Variants in GALNT9 observed in about 807,000 individuals in gnomAD.
The protein encoded by GALNT9 is GalNAc transferase 9.
GALNT9 carries 47 observed loss-of-function variants against 63.1 expected under a neutral mutation model. The observed-to-expected ratio is 0.75, with a 90% CI of 0.59 to 0.95. The LOEUF is 0.95. Ranked by LOEUF, GALNT9 falls within the 40% of genes least tolerant of loss-of-function variation. The probability of loss-of-function intolerance (pLI) is 0.00; values close to 1 mark genes in which losing one functional copy is unlikely to be tolerated. For synonymous variants in GALNT9, 396 were observed against 365.7 expected (o/e 1.08, Z -0.94); for missense variants, 829 against 874.8 (o/e 0.95, Z 0.66).
At position 132,296,272 on chromosome 12, in the gene GALNT9, G is replaced by A. The variant is rs188482959; in HGVS notation, c.239-9842C>T. ...GTCACGGCAGCCCCAAGAGATGACC[G>A]CACAGCCTCATGCTCACGCCAGCCG... On this transcript the variant is annotated intron_variant, in intron 1 of 10. Transcript: ENST00000328957. This position sits in a 1 kb window ranked among gnomAD's most constrained non-coding sequence, Gnocchi z 4.2. 3.2e-3 allele frequency among the ~76,000 whole-genome samples: 486 copies of A among 152,362 alleles called. 2 individuals are homozygous for A. The highest frequency in any genetic ancestry group is 0.011 in the African/African-American group (464 of 41,590).
At chr12:132,230,461 G>A (rs999140239) in intron 6 of GALNT9, among the ~76,000 whole-genome samples, 1 of 152,226 alleles carries the variant, frequency 6.6e-6, no homozygotes, top group East Asian at 1.9e-4. Context: ...CCAGATCGAC[G>A]GGCATAGAAA....
At chr12:132,306,989 G>T (rs965728801) in intron 1 of GALNT9, among the ~76,000 whole-genome samples, 4 of 152,132 alleles carry the variant, frequency 2.6e-5, no homozygotes, top group Admixed American at 1.3e-4. Context: ...TTTCCATGGG[G>T]GCTGACTCTG....
At chr12:132,275,097 C>T (rs534283073) in intron 2 of GALNT9, 1 of 152,584 alleles carries the variant, frequency 6.6e-6, no homozygotes, top group East Asian at 1.9e-4. Flanking sequence ...GCATGCAGGG[C>T]ATGACGTGTG....
At chr12:132,294,478 C>G (rs2135569216) in intron 1 of GALNT9, among the ~76,000 whole-genome samples, 1 of 152,358 alleles carries the variant, frequency 6.6e-6, no homozygotes, top group South Asian at 2.1e-4. Flanking sequence ...CTCAGGAGCT[C>G]TGGTGACCTC....
At chr12:132,208,609 C>T (rs950366224) in intron 6 of GALNT9, among the ~76,000 whole-genome samples, 8 of 152,284 alleles carry the variant, frequency 5.3e-5, no homozygotes, top group East Asian at 3.9e-4. Context: ...AGAGAGAAGC[C>T]GCCCAGCTGA....
intron 1 of GALNT9, among the ~76,000 whole-genome samples, chr12:132,312,626 C>T (rs537913676): frequency 5.3e-5 from 8 of 152,322 alleles, no homozygotes; most frequent in Non-Finnish European, 1.0e-4. Context: ...GTCCTTTGGA[C>T]GCAGCCCAGC....
In GALNT9 at chr12:132,296,806, T is replaced by C. The variant is rs1881091259; in HGVS notation, c.239-10376A>G. ...TCGGCCTCTGTGCTGTGTCATCCCA[T>C]GTGGACGGCGAGAGCACACACGCAT... On this transcript the variant is annotated intron_variant, in intron 1 of 10. Coordinates refer to ENST00000328957, the MANE Select transcript of GALNT9 (RefSeq NM_001122636.2). The surrounding 1 kb of genome is among the most constrained non-coding windows in gnomAD (Gnocchi z 4.2). Among the ~76,000 whole-genome samples, 1 of 140,638 alleles carries C rather than the reference T, an allele frequency of 7.1e-6. No individual in the cohort carries two copies. The highest frequency in any genetic ancestry group is 7.4e-5 in the Admixed American group (1 of 13,436). The allele number at this position is 140,638 out of a possible 152,430, so 92.3% of individuals were successfully genotyped here. A position where few individuals can be genotyped will look rare whatever the true frequency, so the allele number is the denominator to read the frequency against.
chr12:132,203,488 G>GCCTGTGGGGGACTCACCGA lies in GALNT9; in HGVS notation c.1261_1263+16dup, dbSNP rs1381610449. On this transcript the variant is annotated intron_variant, in intron 7 of 10. Coordinates refer to ENST00000328957, the MANE Select transcript of GALNT9 (RefSeq NM_001122636.2). ...CCCTGGGGCATGGCCCCGGCTCCCG[G>GCCTGTGGGGGACTCACCGA]CCTGTGGGGGACTCACCGACATGGG... 1 of 1,612,628 alleles carries GCCTGTGGGGGACTCACCGA rather than the reference G, an allele frequency of 6.2e-7. No homozygotes were observed. The highest frequency in any genetic ancestry group is 8.5e-7 in the Non-Finnish European group (1 of 1,179,136).
chr12:132,252,870 C>T lies in GALNT9; in HGVS notation c.959+4819G>A, dbSNP rs1393938068. ...TGCACTCCAGCCTGGGCAACAACAG[C>T]GAAACTGCCTCAAAAAAAAAAAAAG... On this transcript the variant is annotated intron_variant, in intron 5 of 10. Coordinates refer to ENST00000328957, the MANE Select transcript of GALNT9 (RefSeq NM_001122636.2). This position sits in a 1 kb window ranked among gnomAD's most constrained non-coding sequence, Gnocchi z 5.2. Among the ~76,000 whole-genome samples the T allele has an allele frequency of 3.3e-5, 5 of 149,896 alleles. No individual in the cohort carries two copies. Among genetic ancestry groups the T allele is most frequent in the Non-Finnish European group, 7.4e-5 (5 of 67,648 alleles).
chr12:132,201,216 G>T lies in GALNT9; in HGVS notation c.1309C>A (p.Arg437Ser), dbSNP rs750512479. The change falls in exon 8 of 11, where the codon CGT (arginine) becomes AGT (serine). Residue 437 changes from arginine (R) to serine (S), a missense_variant. Arg to Ser is a moderately radical substitution (Grantham distance 110). Coordinates refer to ENST00000328957, the MANE Select transcript of GALNT9 (RefSeq NM_001122636.2). ...AAGCTGCGACACTTCAGCCTCTGAC[G>T]CAGGGCCAGCCTCTCAGACACGTCC... The part of the protein sequence containing the change: ...FGDVSERLAL[R>S]QRLKCRSFKW... 11 of 1,612,900 alleles carry T rather than the reference G, an allele frequency of 6.8e-6. No homozygotes were observed. Among genetic ancestry groups the T allele is most frequent in the Non-Finnish European group, 8.5e-6 (10 of 1,179,080 alleles).
chr12:132,264,542 C>G (rs1555240026), intron 2 of GALNT9, among the ~76,000 whole-genome samples: 1 of 152,242 alleles, frequency 6.6e-6, no homozygotes, highest in Non-Finnish European at 1.5e-5. Context: ...TCAGGAAGGC[C>G]TGTCCGCATG....
At chr12:132,304,351 C>T (rs555791780) in intron 1 of GALNT9, among the ~76,000 whole-genome samples, 2 of 120,306 alleles carry the variant, frequency 1.7e-5, no homozygotes, top group African/African-American at 6.9e-5. Context: ...CTGGGCACAC[C>T]CTCACCCGGG....
At chr12:132,290,971 G>C (rs1208870647) in intron 1 of GALNT9, among the ~76,000 whole-genome samples, 1 of 54,514 alleles carries the variant, frequency 1.8e-5, no homozygotes. Context: ...CACATCCACA[G>C]CACCCACAAC....
intron 1 of GALNT9, among the ~76,000 whole-genome samples, chr12:132,317,815 G>A (rs558602301): frequency 6.6e-6 from 1 of 152,322 alleles, no homozygotes; most frequent in East Asian, 1.9e-4. Context: ...CGGTGGGGCT[G>A]CACAGGGGCT....
rs1337335741 is a variant in GALNT9, at chr12:132,319,795, C to T, written c.238+9171G>A. ...CCCCACGTAGACAGAAGACATTCCT[C>T]GGGCCTGGGTGCCCAGCCTCCCGCG... On this transcript the variant is annotated intron_variant, in intron 1 of 10. Coordinates refer to ENST00000328957, the MANE Select transcript of GALNT9 (RefSeq NM_001122636.2). This position sits in a 1 kb window ranked among gnomAD's most constrained non-coding sequence, Gnocchi z 5.2. 2.6e-5 allele frequency among the ~76,000 whole-genome samples: 4 copies of T among 152,218 alleles called. No homozygotes were observed. The highest frequency in any genetic ancestry group is 5.9e-5 in the Non-Finnish European group (4 of 68,030).
At chr12:132,203,324 C>T (rs1489356328) in intron 7 of GALNT9, among the ~76,000 whole-genome samples, 181 bp downstream of exon 7, 2 of 152,282 alleles carry the variant, frequency 1.3e-5, no homozygotes, top group East Asian at 3.9e-4. Flanking sequence ...GGCTCCTTCC[C>T]AGGCAGACAG....
At position 132,286,156 on chromosome 12, in the gene GALNT9, G is replaced by A. The variant is rs1402651744; in HGVS notation, c.419+94C>T. The A allele has an allele frequency of 5.5e-5, 76 of 1,384,140 alleles. No individual in the cohort carries two copies. Among genetic ancestry groups the A allele is most frequent in the Non-Finnish European group, 6.7e-5 (70 of 1,049,706 alleles). 85.7% of individuals were successfully genotyped at this position (1,384,140 alleles called of 1,614,324 possible). ...GGGCGTGGGGGCCGCTCACTTCCCC[G>A]GCCGGCGTGGGGGGCAGTCACTTCC... On this transcript the variant is annotated intron_variant, in intron 2 of 10. Transcript: ENST00000328957. The surrounding 1 kb of genome is among the most constrained non-coding windows in gnomAD (Gnocchi z 7.4).
At chr12:132,227,772 G>A (rs1304463385) in intron 6 of GALNT9, among the ~76,000 whole-genome samples, 2 of 152,118 alleles carry the variant, frequency 1.3e-5, no homozygotes, top group African/African-American at 4.8e-5. Flanking sequence ...GGGTACGGAG[G>A]CAGCCCCGCT....
intron 6 of GALNT9, among the ~76,000 whole-genome samples, chr12:132,223,024 CAACCCGTACCCCACACACACAG>C (rs1877526771): frequency 5.7e-4 from 51 of 89,980 alleles, no homozygotes; most frequent in East Asian, 8.8e-4. Context: ...ACACCCTACA[CAACCCGTACCCCACACACACAG>C]ACACACCACA....
Sources: allele counts gnomAD v4.1 joint callset (sites outside exome capture counted in the v4.1 genomes callset), GRCh38; gene constraint gnomAD v4.1.1; non-coding constraint Gnocchi (gnomAD v3.1); transcripts MANE v1.5; gene names NCBI Gene and HGNC (gene_info 2026-07-23, HGNC 2026-07-21).